The following LRBA variants were observed in gnomAD, a reference collection of about 807,000 sequenced individuals.
LRBA encodes lipopolysaccharide-responsive and beige-like anchor protein.
A neutral mutation model predicts 330.0 loss-of-function variants in LRBA; 176 were observed. The ratio of observed to expected loss-of-function variants is 0.53; its 90% confidence interval spans 0.47 to 0.60. LRBA has a LOEUF of 0.60. LRBA is among the 20% of genes least tolerant of loss of function. The pLI is 0.00. For missense variants in LRBA, 3,259 were observed against 3,444.8 expected (o/e 0.95, Z 1.35); for synonymous variants, 1,230 against 1,193.0 (o/e 1.03, Z -0.64).
chr4:150,274,112 TCAGACG>T (rs1264780314), intron 56 of LRBA, among the ~76,000 whole-genome samples: 5 of 152,126 alleles, frequency 3.3e-5, no homozygotes, highest in Non-Finnish European at 7.3e-5. Context: ...CAATAGTCTC[TCAGACG>T]CAGTGCAATC....
intron 33 of LRBA, among the ~76,000 whole-genome samples, chr4:150,799,332 A>G (rs910301463): frequency 6.6e-6 from 1 of 152,206 alleles, no homozygotes; most frequent in African/African-American, 2.4e-5. Flanking sequence ...TGATTTCTGT[A>G]GGGCGAAGAT....
chr4:150,830,287 T>A (rs940004159), intron 29 of LRBA, among the ~76,000 whole-genome samples: 3 of 152,192 alleles, frequency 2.0e-5, no homozygotes, highest in African/African-American at 7.2e-5. Context: ...GCTCTTGCAT[T>A]CCCAGAATCT....
At chr4:150,276,143 T>C (rs900435096) in intron 56 of LRBA, among the ~76,000 whole-genome samples, 15 of 152,130 alleles carry the variant, frequency 9.9e-5, no homozygotes, top group African/African-American at 3.6e-4. Context: ...TCTACAACCA[T>C]CTGATCTTTG....
intron 34 of LRBA, among the ~76,000 whole-genome samples, chr4:150,787,974 A>T (rs1243142161): frequency 6.6e-6 from 1 of 152,214 alleles, no homozygotes; most frequent in Non-Finnish European, 1.5e-5. Flanking sequence ...AGATTGCTGG[A>T]TCATATGGTA....
intron 40 of LRBA, among the ~76,000 whole-genome samples, chr4:150,559,244 T>G (rs1406193905): frequency 6.6e-6 from 1 of 152,040 alleles, no homozygotes; most frequent in African/African-American, 2.4e-5. Flanking sequence ...AAATATCTAA[T>G]TCTAAACTAG....
intron 22 of LRBA, among the ~76,000 whole-genome samples, chr4:150,867,316 G>T (rs924075255): frequency 2.8e-4 from 43 of 152,040 alleles, no homozygotes; most frequent in African/African-American, 1.0e-3. Context: ...ACCCATGTTT[G>T]TAAACAGGGC....
chr4:150,685,172 C>T (rs923921185), intron 36 of LRBA, among the ~76,000 whole-genome samples: 1 of 151,294 alleles, frequency 6.6e-6, no homozygotes, highest in Admixed American at 6.6e-5. Context: ...TGTAGAAAAA[C>T]AGAGCTCACT....
chr4:150,927,415 T>C (rs548588367), intron 4 of LRBA, among the ~76,000 whole-genome samples: 2 of 150,168 alleles, frequency 1.3e-5, no homozygotes, highest in East Asian at 1.9e-4. Context: ...AAATATACTA[T>C]CTGAAATTTC....
chr4:150,944,657 C>T (rs1206501177), intron 2 of LRBA, among the ~76,000 whole-genome samples: 1 of 152,104 alleles, frequency 6.6e-6, no homozygotes, highest in African/African-American at 2.4e-5. Context: ...GCTTTAAAAT[C>T]ATACTCTATA....
In LRBA at chr4:150,666,143, G is replaced by A. The variant is rs1180167783; in HGVS notation, c.5921+17408C>T. Among the ~76,000 whole-genome samples, 3 of 152,288 alleles carry A rather than the reference G, an allele frequency of 2.0e-5. No individual in the cohort carries two copies. In the East Asian group the frequency reaches 5.8e-4, roughly 29 times the overall value. On this transcript the variant is annotated intron_variant, in intron 37 of 56. Transcript: ENST00000651943. ...ATGGTTTCATGGATAGACATAAGCA[G>A]AGTCAACACTCGGTATCCTCAGGTT...
intron 44 of LRBA, 32 bp downstream of exon 44, chr4:150,467,641 A>G (rs374984921): frequency 1.6e-6 from 2 of 1,282,188 alleles, no homozygotes; most frequent in Non-Finnish European, 2.2e-6. Flanking sequence ...TATGCAAGAC[A>G]ATTATATTTC....
chr4:150,738,578 T>G (rs978710982), intron 35 of LRBA, among the ~76,000 whole-genome samples: 2 of 152,184 alleles, frequency 1.3e-5, no homozygotes, highest in Non-Finnish European at 2.9e-5. Flanking sequence ...AAAAGTATAC[T>G]GAATGTTTAC....
intron 34 of LRBA, among the ~76,000 whole-genome samples, chr4:150,774,439 C>T (rs1423845296): frequency 6.6e-6 from 1 of 152,144 alleles, no homozygotes; most frequent in African/African-American, 2.4e-5. Context: ...TCTTTTCCCT[C>T]TCGATGTTAA....
chr4:150,771,083 T>C (rs1480609013), intron 34 of LRBA, among the ~76,000 whole-genome samples: 1 of 152,152 alleles, frequency 6.6e-6, no homozygotes, highest in Admixed American at 6.5e-5. Flanking sequence ...AATGGAATCA[T>C]TGTTGTGCCT....
In LRBA at chr4:150,749,884, A is replaced by G. The variant is rs112099508; in HGVS notation, c.5645+11899T>C. ...CTTAGCATAGCTTATAGGGCCTTAT[A>G]TGATCTGAATATTGAATACTTCTCT... On this transcript the variant is annotated intron_variant, in intron 35 of 56. Coordinates refer to ENST00000651943, the MANE Select transcript of LRBA (RefSeq NM_001364905.1). Among the ~76,000 whole-genome samples the G allele has an allele frequency of 1.8e-3, 278 of 152,286 alleles. 1 individual carries two copies. Among genetic ancestry groups the G allele is most frequent in the Middle Eastern group, 3.4e-3 (1 of 292 alleles).
At chr4:150,387,477 A>T (rs1382973838) in intron 47 of LRBA, among the ~76,000 whole-genome samples, 4 of 152,196 alleles carry the variant, frequency 2.6e-5, no homozygotes, top group Non-Finnish European at 4.4e-5. Context: ...TTTGTAATTG[A>T]TTAAATAAAC....
chr4:150,471,453 G>C (rs528591403), intron 43 of LRBA, among the ~76,000 whole-genome samples, 171 bp downstream of exon 43: 55 of 152,214 alleles, frequency 3.6e-4, no homozygotes, highest in African/African-American at 1.3e-3. Context: ...TACTTAAAAT[G>C]ACTTCTATGA....
At chr4:150,839,941 C>T (rs1748807570) in intron 28 of LRBA, among the ~76,000 whole-genome samples, 1 of 151,618 alleles carries the variant, frequency 6.6e-6, no homozygotes, top group African/African-American at 2.4e-5. Context: ...GTGTAGACAC[C>T]TTCATCAATT....
chr4:150,531,547 AGAG>A (rs1168239071), intron 40 of LRBA, among the ~76,000 whole-genome samples: 3 of 152,216 alleles, frequency 2.0e-5, no homozygotes, highest in Admixed American at 1.3e-4. Context: ...AAGCTCAACA[AGAG>A]GAGAAGATTG....
Sources: gnomAD v4.1 joint callset for allele counts (sites outside exome capture counted in the v4.1 genomes callset) on GRCh38, gnomAD v4.1.1 for gene constraint, MANE v1.5 for transcripts, NCBI Gene and HGNC (gene_info 2026-07-23, HGNC 2026-07-21) for gene names.